COL22A1: variants seen among roughly 807,000 people sequenced by gnomAD.
The protein encoded by COL22A1 is collagen alpha-1(XXII) chain.
Under a neutral mutation model 248.9 loss-of-function variants are expected in COL22A1, and 221 were observed. The ratio of observed to expected loss-of-function variants is 0.89; its 90% CI spans 0.80 to 0.99. The LOEUF (loss-of-function observed/expected upper bound fraction) is 0.99. Ranked by LOEUF, COL22A1 falls within the 50% of genes least tolerant of loss-of-function variation. The pLI is 0.00. For missense variants in COL22A1, 2,240 were observed against 2,179.0 expected, an observed-to-expected ratio of 1.03 and a Z score of -0.56; for synonymous variants, 891 against 793.4, an observed-to-expected ratio of 1.12 and a Z score of -2.07.
At chr8:138,700,245 G>GC (rs1165978080) in intron 31 of COL22A1, 101 bp from the exon 32 acceptor site, 11 of 1,032,126 alleles carry the variant, frequency 1.1e-5, no homozygotes, top group Admixed American at 2.1e-5. Context: ...AAAGAATACA[G>GC]CCCCAAAGCT....
At chr8:138,655,760 G>A in intron 45 of COL22A1, 137 bp downstream of exon 45, 1 of 777,502 alleles carries the variant, frequency 1.3e-6, no homozygotes, top group Non-Finnish European at 2.3e-6. Flanking sequence ...CACATGCTGA[G>A]TTGTCAACTA....
intron 53 of COL22A1, among the ~76,000 whole-genome samples, 176 bp downstream of exon 53, chr8:138,619,279 C>T (rs529809953): frequency 1.8e-4 from 27 of 152,292 alleles, no homozygotes; most frequent in East Asian, 1.4e-3. Context: ...AAATGAATTT[C>T]GCAGCTATGT....
chr8:138,623,652 T>G lies in COL22A1; in HGVS notation c.3771+80A>C, dbSNP rs188772467. 1.4e-5 allele frequency: 18 copies of G among 1,259,912 alleles called. No individual in the cohort carries two copies. In the African/African-American group the frequency reaches 2.0e-4, roughly 14 times the overall value. The allele number at this position is 1,259,912 out of a possible 1,614,324, so 78.0% of individuals were successfully genotyped here. On this transcript the variant is annotated intron_variant, in intron 52 of 64. Transcript: ENST00000303045. Reference sequence around the variant, plus strand: ...GCCTATCTTCGAGACTGGTTCAAAATAGCTCCTCACACAAAGTAGTTGTTT... The same window carrying G: ...GCCTATCTTCGAGACTGGTTCAAAAGAGCTCCTCACACAAAGTAGTTGTTT...
Position 138,625,879 on chromosome 8 carries a change from T to A in COL22A1, c.3717+311A>T, listed in dbSNP as rs1208804885. On this transcript the variant is annotated intron_variant, in intron 51 of 64. Coordinates refer to ENST00000303045, the MANE Select transcript of COL22A1 (RefSeq NM_152888.3). The stretch of plus-strand genomic sequence containing the variant: ...ATATATATGTGTGTGTGTTTTGTTT[T>A]AACAATATAAACATATATATACAAG... Among the ~76,000 whole-genome samples, 4 of 152,318 alleles carry A rather than the reference T, an allele frequency of 2.6e-5. No individual in the cohort carries two copies. In the East Asian group the frequency reaches 7.7e-4, roughly 29 times the overall value.
At chr8:138,703,213 A>AT (rs1344348326) in intron 31 of COL22A1, 93 bp downstream of exon 31, 4 of 1,165,718 alleles carry the variant, frequency 3.4e-6, no homozygotes, top group Admixed American at 3.4e-5. Context: ...TAGGGGAGAT[A>AT]TTTAAAACTA....
chr8:138,669,601 C>T (rs1824833046), intron 41 of COL22A1, among the ~76,000 whole-genome samples: 1 of 152,186 alleles, frequency 6.6e-6, no homozygotes, highest in African/African-American at 2.4e-5. Flanking sequence ...TTGTCTCTCA[C>T]TAGCAGAGTG....
intron 1 of COL22A1, among the ~76,000 whole-genome samples, chr8:138,900,145 A>G (rs1396285613): frequency 1.3e-5 from 2 of 152,204 alleles, no homozygotes; most frequent in Admixed American, 6.5e-5. Flanking sequence ...AAGGGGTAGA[A>G]TAGGGATTTA....
At position 138,712,871 on chromosome 8, in the gene COL22A1, TACAA is replaced by T. The variant is rs545350396; in HGVS notation, c.2517+2807_2517+2810del. Reference sequence around the variant, plus strand: ...TTCTACCAGCAGAGGGTAAGTATTCTACAAACAGAGAGTGAGGGTTCTACCAGCA... The same window carrying T: ...TTCTACCAGCAGAGGGTAAGTATTCTACAGAGAGTGAGGGTTCTACCAGCA... On this transcript the variant is annotated intron_variant, in intron 30 of 64. Transcript: ENST00000303045. 2.2e-3 allele frequency among the ~76,000 whole-genome samples: 328 copies of T among 151,972 alleles called. 2 individuals are homozygous for T. Among genetic ancestry groups the T allele is most frequent in the South Asian group, 5.0e-3 (24 of 4,806 alleles).
intron 44 of COL22A1, among the ~76,000 whole-genome samples, chr8:138,659,529 G>A (rs1014667679): frequency 1.3e-5 from 2 of 152,206 alleles, no homozygotes; most frequent in Non-Finnish European, 2.9e-5. Flanking sequence ...GGTTGCTGCT[G>A]TCTCTTCCAT....
At position 138,715,648 on chromosome 8, in the gene COL22A1, A is replaced by G. The variant is rs371328416; in HGVS notation, c.2517+34T>C. ...CTTTAGAAAAACCCAACTAATAATA[A>G]TTGATGGTCAGAATGAGAGCAAGTT... On this transcript the variant is annotated intron_variant, in intron 30 of 64. Coordinates refer to ENST00000303045, the MANE Select transcript of COL22A1 (RefSeq NM_152888.3). The G allele has an allele frequency of 1.4e-5, 22 of 1,533,874 alleles. 1 individual carries two copies. Among genetic ancestry groups the G allele is most frequent in the East Asian group, 2.3e-5 (1 of 44,144 alleles).
intron 58 of COL22A1, 44 bp downstream of exon 58, chr8:138,606,337 C>T: frequency 6.4e-7 from 1 of 1,562,874 alleles, no homozygotes; most frequent in Non-Finnish European, 8.8e-7. Context: ...AACATCACTA[C>T]CTGGAGCCAG....
At chr8:138,655,817 A>C in intron 45 of COL22A1, 80 bp downstream of exon 45, 1 of 1,227,940 alleles carries the variant, frequency 8.1e-7, no homozygotes, top group Admixed American at 1.8e-5. Flanking sequence ...TGTTCAAAAA[A>C]AACCCCAACT....
intron 3 of COL22A1, among the ~76,000 whole-genome samples, chr8:138,870,435 A>AGTGTGCAGTGTGTGTGGT (rs1823242973): frequency 6.7e-6 from 1 of 148,942 alleles, no homozygotes; most frequent in African/African-American, 2.5e-5. Flanking sequence ...TGCTATATGT[A>AGTGTGCAGTGTGTGTGGT]GTGTGCAGTG....
In COL22A1 at chr8:138,619,515, G is replaced by A. The variant is rs1195258563; in HGVS notation, c.3772-7C>T. 5 of 1,613,602 alleles carry A rather than the reference G, an allele frequency of 3.1e-6. No homozygotes were observed. Among genetic ancestry groups the A allele is most frequent in the Non-Finnish European group, 4.2e-6 (5 of 1,179,630 alleles). The stretch of plus-strand genomic sequence containing the variant: ...CTGGCTCTCCTGCTTTGCCCTGAGA[G>A]TAAGGAAGAAAAGAAGAGTTTGAGG... On this transcript the variant is annotated splice_region_variant and splice_polypyrimidine_tract_variant and intron_variant, in intron 52 of 64. Transcript: ENST00000303045.
At chr8:138,754,878 A>C (rs1182016885) in intron 21 of COL22A1, among the ~76,000 whole-genome samples, 1 of 152,208 alleles carries the variant, frequency 6.6e-6, no homozygotes, top group African/African-American at 2.4e-5. Flanking sequence ...AGAAACCCCC[A>C]TCATGGCCCG....
rs375773101 is a variant in COL22A1 at position 138,765,900 on chromosome 8, G to A, written c.1804-3434C>T. Among the ~76,000 whole-genome samples, 6 of 152,340 alleles carry A rather than the reference G, an allele frequency of 3.9e-5. No homozygotes were observed. The South Asian group carries it at 1.2e-3, about 32-fold the overall frequency. On this transcript the variant is annotated intron_variant, in intron 16 of 64. Coordinates refer to ENST00000303045, the MANE Select transcript of COL22A1 (RefSeq NM_152888.3). ...GCAGCCAAGACCGAGCAGACAGTGTGAGAGTAAGCTGCTGATGGGAGAACA... is the reference window on the plus strand; with the variant it reads ...GCAGCCAAGACCGAGCAGACAGTGTAAGAGTAAGCTGCTGATGGGAGAACA...
At chr8:138,642,042 G>T (rs1219578799) in intron 47 of COL22A1, among the ~76,000 whole-genome samples, 3 of 152,188 alleles carry the variant, frequency 2.0e-5, no homozygotes, top group African/African-American at 7.2e-5. Context: ...ACCCTTCTGT[G>T]ATGCATTTTC....
intron 58 of COL22A1, 58 bp from the exon 59 acceptor site, chr8:138,604,827 A>C: frequency 7.3e-7 from 1 of 1,378,384 alleles, no homozygotes; most frequent in South Asian, 1.2e-5. Context: ...GTCAGTACTA[A>C]GACTGTCTTT....
chr8:138,879,397 G>A (rs1433687179), intron 2 of COL22A1, among the ~76,000 whole-genome samples: 3 of 151,970 alleles, frequency 2.0e-5, no homozygotes, highest in Non-Finnish European at 4.4e-5. Context: ...CTATCAAGAA[G>A]CCCTGGTCTT....
Sources: gnomAD v4.1 joint callset for allele counts (sites outside exome capture counted in the v4.1 genomes callset) on GRCh38, gnomAD v4.1.1 for gene constraint, MANE v1.5 for transcripts, NCBI Gene and HGNC (gene_info 2026-07-23, HGNC 2026-07-21) for gene names.